The following PLA2G4A variants were observed in gnomAD, a reference collection of about 807,000 sequenced individuals.
PLA2G4A encodes cytosolic phospholipase A2.
PLA2G4A carries 40 observed loss-of-function variants against 81.9 expected under a neutral mutation model. That is an observed-to-expected ratio of 0.49 (90% CI 0.38 to 0.64). The LOEUF is 0.64. Ranked by LOEUF, PLA2G4A falls within the 30% of genes least tolerant of loss-of-function variation. The pLI is 0.00. For synonymous variants in PLA2G4A, 302 were observed against 296.9 expected, an observed-to-expected ratio of 1.02 and a Z score of -0.18; for missense variants, 715 against 905.1, an observed-to-expected ratio of 0.79 and a Z score of 2.69.
chr1:186,901,204 T>C (rs150279835), intron 5 of PLA2G4A, among the ~76,000 whole-genome samples: 2 of 152,324 alleles, frequency 1.3e-5, no homozygotes, highest in Non-Finnish European at 2.9e-5. Flanking sequence ...CTGTTAGATA[T>C]TGTTGCAGGA....
intron 1 of PLA2G4A, among the ~76,000 whole-genome samples, chr1:186,841,097 C>T (rs924211669): frequency 6.6e-6 from 1 of 152,178 alleles, no homozygotes. Context: ...TCTGAAAATG[C>T]ACATCATATA....
At chr1:186,932,244 A>G (rs1557880104) in intron 7 of PLA2G4A, among the ~76,000 whole-genome samples, 3 of 152,010 alleles carry the variant, frequency 2.0e-5, no homozygotes, top group African/African-American at 7.2e-5. Flanking sequence ...TCTTTTTTCT[A>G]ATAGACATTG....
At chr1:186,965,635 TC>T in intron 15 of PLA2G4A, 42 bp downstream of exon 15, 1 of 1,381,206 alleles carries the variant, frequency 7.2e-7, no homozygotes, top group Non-Finnish European at 1.0e-6. Flanking sequence ...TACCACATTC[TC>T]TTGCTTGCCT....
chr1:186,883,567 G>A (rs906445592), intron 3 of PLA2G4A, among the ~76,000 whole-genome samples: 1 of 152,070 alleles, frequency 6.6e-6, no homozygotes, highest in Non-Finnish European at 1.5e-5. Context: ...CAAAGGCCTC[G>A]CTTCCTTTTG....
chr1:186,858,639 T>C (rs965026075), intron 2 of PLA2G4A, among the ~76,000 whole-genome samples: 1 of 152,152 alleles, frequency 6.6e-6, no homozygotes, highest in Non-Finnish European at 1.5e-5. Flanking sequence ...GGTTCAGCAC[T>C]GGGACCTTTT....
chr1:186,905,202 G>T (rs1268735520), intron 5 of PLA2G4A, among the ~76,000 whole-genome samples: 1 of 152,102 alleles, frequency 6.6e-6, no homozygotes, highest in Non-Finnish European at 1.5e-5. Flanking sequence ...CTGCCAGCTG[G>T]GAAACCAGCA....
intron 5 of PLA2G4A, among the ~76,000 whole-genome samples, chr1:186,904,039 G>T (rs1654642846): frequency 6.6e-6 from 1 of 152,124 alleles, no homozygotes; most frequent in African/African-American, 2.4e-5. Context: ...TAATTAGTGG[G>T]TTAGATCCTT....
Position 186,988,967 on chromosome 1 carries a change from T to A in PLA2G4A, c.*459T>A, listed in dbSNP as rs180900161. ...TATATACATACATGAAATAAATACA[T>A]CAATATAAAAATAAGCATGAGATAA... On this transcript the variant is annotated 3_prime_UTR_variant, in exon 18 of 18. Coordinates refer to ENST00000367466, the MANE Select transcript of PLA2G4A (RefSeq NM_024420.3). 14 of 153,416 alleles carry A rather than the reference T, an allele frequency of 9.1e-5. No individual in the cohort carries two copies. The highest frequency in any genetic ancestry group is 3.4e-4 in the African/African-American group (14 of 41,544). The allele number at this position is 153,416 out of a possible 1,614,324, so 9.5% of individuals were successfully genotyped here.
intron 7 of PLA2G4A, among the ~76,000 whole-genome samples, chr1:186,921,329 A>G (rs1247139996): frequency 6.6e-6 from 1 of 152,234 alleles, no homozygotes; most frequent in East Asian, 1.9e-4. Flanking sequence ...AGCTAGTGGC[A>G]ATCAGCACAA....
At chr1:186,958,705 T>A (rs1024421383) in intron 14 of PLA2G4A, among the ~76,000 whole-genome samples, 3 of 152,204 alleles carry the variant, frequency 2.0e-5, no homozygotes, top group Non-Finnish European at 2.9e-5. Context: ...GGAAGTTTTC[T>A]TTGTGTATAC....
chr1:186,866,005 A>G (rs10911937), intron 2 of PLA2G4A, among the ~76,000 whole-genome samples: 77,123 of 152,024 alleles, frequency 0.51, 19,965 homozygotes, highest in East Asian at 0.69. Context: ...TTGAGCTTAG[A>G]TTTGACATCT....
chr1:186,875,064 G>T (rs1473041384), intron 3 of PLA2G4A, among the ~76,000 whole-genome samples: 2 of 152,018 alleles, frequency 1.3e-5, no homozygotes, highest in African/African-American at 4.8e-5. Flanking sequence ...TGATTCTGTA[G>T]GTTTGGGGAG....
chr1:186,881,548 G>A (rs139976315), intron 3 of PLA2G4A, among the ~76,000 whole-genome samples: 308 of 152,220 alleles, frequency 2.0e-3, no homozygotes, highest in African/African-American at 7.1e-3. Flanking sequence ...TCTGGAGGGA[G>A]CAGGGGCTGC....
At chr1:186,928,180 G>A (rs1476956143) in intron 7 of PLA2G4A, among the ~76,000 whole-genome samples, 1 of 152,072 alleles carries the variant, frequency 6.6e-6, no homozygotes, top group Non-Finnish European at 1.5e-5. Flanking sequence ...GATATCCAAG[G>A]GACCCAGACT....
intron 15 of PLA2G4A, among the ~76,000 whole-genome samples, chr1:186,968,393 G>GGTGTGTGTGTGTGTGT (rs1291464246): frequency 1.6e-4 from 5 of 31,568 alleles, no homozygotes; most frequent in East Asian, 5.8e-4. Context: ...CTCTTTTCGC[G>GGTGTGTGTGTGTGTGT]GTGTGTATGT....
At chr1:186,837,498 G>A (rs1651821414) in intron 1 of PLA2G4A, among the ~76,000 whole-genome samples, 1 of 151,726 alleles carries the variant, frequency 6.6e-6, no homozygotes, top group Non-Finnish European at 1.5e-5. Context: ...GGGAGGCCGA[G>A]GCAGGCGGAT....
intron 7 of PLA2G4A, among the ~76,000 whole-genome samples, chr1:186,921,242 G>A (rs1655340084): frequency 6.6e-6 from 1 of 152,130 alleles, no homozygotes; most frequent in South Asian, 2.1e-4. Flanking sequence ...TAATCAGCTA[G>A]GACGTGCTCC....
chr1:186,946,976 T>G lies in PLA2G4A; in HGVS notation c.1264+15T>G, dbSNP rs373833264. The G allele has an allele frequency of 5.1e-5, 69 of 1,340,674 alleles. No individual in the cohort carries two copies. The African/African-American group carries it at 8.2e-4, about 16-fold the overall frequency. The allele number at this position is 1,340,674 out of a possible 1,614,324, so 83.0% of individuals were successfully genotyped here. Reference sequence around the variant, plus strand: ...GGAAGAATTAGGTATCCTAAAGATATGCTTACATTGATACAAATCTTGCTA... The same window carrying G: ...GGAAGAATTAGGTATCCTAAAGATAGGCTTACATTGATACAAATCTTGCTA... On this transcript the variant is annotated intron_variant, in intron 12 of 17. Transcript: ENST00000367466.
At position 186,984,642 on chromosome 1, in the gene PLA2G4A, A is replaced by G. The variant is rs572598082; in HGVS notation, c.2119-3735A>G. On this transcript the variant is annotated intron_variant, in intron 17 of 17. Transcript: ENST00000367466. ...GTGTGTAGGTACAAGTAAAAGTTCTATCTTTTAAAAATAATTTATAAGCTT... is the reference window on the plus strand; with the variant it reads ...GTGTGTAGGTACAAGTAAAAGTTCTGTCTTTTAAAAATAATTTATAAGCTT... Among the ~76,000 whole-genome samples the G allele has an allele frequency of 2.6e-5, 4 of 152,322 alleles. No individual in the cohort carries two copies. In the South Asian group the frequency reaches 6.2e-4, roughly 24 times the overall value.
Sources: allele counts gnomAD v4.1 joint callset (sites outside exome capture counted in the v4.1 genomes callset), GRCh38; gene constraint gnomAD v4.1.1; transcripts MANE v1.5; gene names NCBI Gene and HGNC (gene_info 2026-07-23, HGNC 2026-07-21).